PHLPP1: variants seen among roughly 807,000 people sequenced by gnomAD.
PHLPP1 encodes the protein PH domain leucine-rich repeat-containing protein phosphatase 1.
In PHLPP1, 42 loss-of-function variants were observed where a neutral mutation model predicts 117.2. The ratio of observed to expected loss-of-function variants is 0.36; its 90% CI spans 0.28 to 0.46. PHLPP1 has a LOEUF of 0.46. Ranked by LOEUF, PHLPP1 falls within the 20% of genes least tolerant of loss-of-function variation. The pLI is 1.00. For missense variants in PHLPP1, 2,084 were observed against 2,241.9 expected (o/e 0.93, Z 1.42); for synonymous variants, 1,042 against 970.7 (o/e 1.07, Z -1.37).
intron 12 of PHLPP1, among the ~76,000 whole-genome samples, chr18:62,945,984 T>G (rs1181628279): frequency 6.6e-6 from 1 of 152,258 alleles, no homozygotes; most frequent in African/African-American, 2.4e-5. Flanking sequence ...CTATTTTGTT[T>G]CTTTTCTGGC....
intron 10 of PHLPP1, among the ~76,000 whole-genome samples, chr18:62,928,080 A>G (rs1909695898): frequency 2.0e-5 from 3 of 152,218 alleles, no homozygotes; most frequent in Admixed American, 1.3e-4. Context: ...TAAAAACTTA[A>G]TGAAAGATTG....
intron 8 of PHLPP1, among the ~76,000 whole-genome samples, chr18:62,913,187 G>A (rs979684656): frequency 1.3e-5 from 2 of 152,036 alleles, no homozygotes; most frequent in African/African-American, 4.8e-5. Context: ...TCCATGCAAA[G>A]TTCTAAGTTA....
intron 12 of PHLPP1, among the ~76,000 whole-genome samples, chr18:62,947,715 G>A (rs1398599919): frequency 6.6e-6 from 1 of 152,150 alleles, no homozygotes; most frequent in Non-Finnish European, 1.5e-5. Flanking sequence ...TTCTTTGTTT[G>A]TTTAAGTATT....
At chr18:62,751,743 G>C (rs1911861211) in intron 1 of PHLPP1, among the ~76,000 whole-genome samples, 1 of 152,122 alleles carries the variant, frequency 6.6e-6, no homozygotes, top group African/African-American at 2.4e-5. Flanking sequence ...GGATGGAGGG[G>C]GAGGGGAAAG....
At chr18:62,802,412 G>A (rs955804357) in intron 1 of PHLPP1, among the ~76,000 whole-genome samples, 1 of 152,002 alleles carries the variant, frequency 6.6e-6, no homozygotes, top group Non-Finnish European at 1.5e-5. Flanking sequence ...GAGCATGTGG[G>A]GATTAACACA....
chr18:62,837,543 C>G (rs1490083992), intron 2 of PHLPP1: 1 of 152,014 alleles, frequency 6.6e-6, no homozygotes, highest in African/African-American at 2.4e-5. Flanking sequence ...CTTGAAGAAT[C>G]AGTATTTTGC....
rs1459042161 is a variant in PHLPP1, at chr18:62,825,351, T to C, written c.1577-4684T>C. The C allele has an allele frequency of 4.0e-5, 6 of 149,026 alleles. No individual in the cohort carries two copies. In the East Asian group the frequency reaches 1.2e-3, roughly 29 times the overall value. 9.2% of individuals were successfully genotyped at this position (149,026 alleles called of 1,614,324 possible). On this transcript the variant is annotated intron_variant, in intron 1 of 16. Coordinates refer to ENST00000262719, the MANE Select transcript of PHLPP1 (RefSeq NM_194449.4). Reference sequence around the variant, plus strand: ...AAATTGTAAATACTTTAAAAACCAATGTATGTATATATATAAATATATCAA... The same window carrying C: ...AAATTGTAAATACTTTAAAAACCAACGTATGTATATATATAAATATATCAA...
chr18:62,903,240 T>C, intron 7 of PHLPP1, 74 bp downstream of exon 7: 1 of 1,016,362 alleles, frequency 9.8e-7, no homozygotes, highest in Non-Finnish European at 1.5e-6. Context: ...TTTCTGCTTC[T>C]GATTATTCTT....
At chr18:62,930,600 C>G (rs1452390061) in intron 10 of PHLPP1, among the ~76,000 whole-genome samples, 1 of 152,174 alleles carries the variant, frequency 6.6e-6, no homozygotes, top group Non-Finnish European at 1.5e-5. Context: ...GATAGCGATA[C>G]AGTAAAAGTA....
chr18:62,825,149 G>A (rs1914576388), intron 1 of PHLPP1, among the ~76,000 whole-genome samples: 2 of 151,706 alleles, frequency 1.3e-5, no homozygotes, highest in African/African-American at 4.8e-5. Flanking sequence ...AGTAGAGACG[G>A]GGTTTCGCCA....
chr18:62,723,919 C>A (rs907092741), intron 1 of PHLPP1, among the ~76,000 whole-genome samples: 1 of 152,162 alleles, frequency 6.6e-6, no homozygotes, highest in Non-Finnish European at 1.5e-5. Flanking sequence ...TCGTAACATT[C>A]TGAGGCTTCA....
intron 8 of PHLPP1, among the ~76,000 whole-genome samples, chr18:62,905,823 GCTAA>G (rs1382716706): frequency 6.6e-6 from 1 of 152,034 alleles, no homozygotes; most frequent in East Asian, 1.9e-4. Context: ...TTTTGAATAT[GCTAA>G]CTATTTTACC....
At chr18:62,813,785 C>T (rs1914189655) in intron 1 of PHLPP1, among the ~76,000 whole-genome samples, 1 of 152,242 alleles carries the variant, frequency 6.6e-6, no homozygotes, top group East Asian at 1.9e-4. Context: ...TGAAGCCTTT[C>T]GTTCTAACTT....
rs553462275 is a variant in PHLPP1 at position 62,979,011 on chromosome 18, G to A, written c.4734G>A (p.Glu1578=). 4.3e-6 allele frequency: 7 copies of A among 1,613,220 alleles called. No homozygotes were observed. The East Asian group carries it at 1.1e-4, about 26-fold the overall frequency. The change falls in exon 17 of 17, where the codon GAG becomes GAA. Residue 1578 remains glutamate (E), a synonymous_variant. Transcript: ENST00000262719. ...DIHCSRAKEK[E]KQQHLLQVPA... Reference sequence around the variant, plus strand: ...ACTGCAGCCGGGCCAAGGAGAAGGAGAAACAGCAGCACCTGCTTCAGGTGC... The same window carrying A: ...ACTGCAGCCGGGCCAAGGAGAAGGAAAAACAGCAGCACCTGCTTCAGGTGC...
In PHLPP1 at chr18:62,716,849, G is replaced by T; in HGVS notation, c.1166G>T (p.Gly389Val). Residue 389 changes from glycine to valine, a missense_variant, in exon 1 of 17, where the codon GGG (glycine) becomes GTG (valine). Gly to Val is a moderately radical substitution (Grantham distance 109). This residue lies in a region of PHLPP1 where 719 missense variants were observed against 636.0 expected (regional missense o/e 1.13). Transcript: ENST00000262719. This position sits in a 1 kb window ranked among gnomAD's most constrained non-coding sequence, Gnocchi z 5.7. Reference sequence around the variant, plus strand: ...GCCGACGCAGCCTCGGCCCCGACGGGGGTCCCGGGCCAGCCCCGCCGTCCC... The same window carrying T: ...GCCGACGCAGCCTCGGCCCCGACGGTGGTCCCGGGCCAGCCCCGCCGTCCC... ...LEADAASAPT[G>V]VPGQPRRPGH... 6.6e-7 allele frequency: 1 copy of T among 1,523,402 alleles called. No individual in the cohort carries two copies. The highest frequency in any genetic ancestry group is 8.8e-7 in the Non-Finnish European group (1 of 1,141,372). 94.4% of individuals were successfully genotyped at this position (1,523,402 alleles called of 1,614,324 possible).
intron 3 of PHLPP1, among the ~76,000 whole-genome samples, chr18:62,858,262 C>CTTTT (rs34800076): frequency 7.8e-6 from 1 of 128,346 alleles, no homozygotes. Flanking sequence ...TCAGCAGAAC[C>CTTTT]TTTTTTTTTT....
At chr18:62,860,358 A>T (rs1160827333) in intron 3 of PHLPP1, 77 bp from the exon 4 acceptor site, 1 of 1,208,184 alleles carries the variant, frequency 8.3e-7, no homozygotes, top group Non-Finnish European at 1.2e-6. Context: ...CCAAATTGGG[A>T]TTATCTTATT....
In PHLPP1 at chr18:62,716,474, C is replaced by G; in HGVS notation, c.791C>G (p.Pro264Arg). The part of the protein sequence containing the change: ...AAAAREPAEP[P>R]PEAGPRLAPP... ...GCCGCCCGGGAGCCCGCTGAACCGC[C>G]CCCCGAGGCCGGCCCCCGGCTGGCG... The change falls in exon 1 of 17, where the codon CCC becomes CGC. Residue 264 changes from proline to arginine, a missense_variant. Around this residue, in one of 2 missense-constraint regions of PHLPP1, gnomAD observed 719 missense variants for 636.0 expected, o/e 1.13. Transcript: ENST00000262719. This position sits in a 1 kb window ranked among gnomAD's most constrained non-coding sequence, Gnocchi z 5.7. 8.1e-7 allele frequency: 1 copy of G among 1,233,558 alleles called. No homozygotes were observed. The highest frequency in any genetic ancestry group is 1.0e-6 in the Non-Finnish European group (1 of 990,810). The allele number at this position is 1,233,558 out of a possible 1,614,324, so 76.4% of individuals were successfully genotyped here.
At chr18:62,766,077 AT>A (rs58901896) in intron 1 of PHLPP1, among the ~76,000 whole-genome samples, 3,225 of 20,860 alleles carry the variant, frequency 0.15, 404 homozygotes, top group Non-Finnish European at 0.21. Flanking sequence ...AAAAAAAAAA[AT>A]ATATATATAT....
Sources: allele counts gnomAD v4.1 joint callset (sites outside exome capture counted in the v4.1 genomes callset), GRCh38; gene constraint gnomAD v4.1.1; regional missense constraint gnomAD v4.1.1; non-coding constraint Gnocchi (gnomAD v3.1); transcripts MANE v1.5; gene names NCBI Gene and HGNC (gene_info 2026-07-23, HGNC 2026-07-21).